Variants in PEX5 observed in about 807,000 individuals in gnomAD.
The protein encoded by PEX5 is PTS1 receptor.
PEX5 carries 52 observed loss-of-function variants against 82.9 expected under a neutral mutation model. That is an observed-to-expected ratio of 0.63 (90% CI 0.50 to 0.79). The LOEUF (loss-of-function observed/expected upper bound fraction) is 0.79, where lower values mean the gene tolerates loss of function less well. Ranked by LOEUF, PEX5 falls within the 30% of genes least tolerant of loss-of-function variation. The pLI is 0.00. For synonymous variants in PEX5, 300 were observed against 318.8 expected (o/e 0.94, Z 0.63); for missense variants, 719 against 815.2 (o/e 0.88, Z 1.44).
intron 5 of PEX5, among the ~76,000 whole-genome samples, chr12:7,194,487 TG>T (rs1309437291): frequency 1.3e-5 from 2 of 152,228 alleles, no homozygotes; most frequent in African/African-American, 4.8e-5. Context: ...TGTGTGTGTG[TG>T]TTTTTTGCAA....
intron 17 of PEX5, among the ~76,000 whole-genome samples, chr12:7,216,785 T>C (rs1265851158): frequency 6.6e-6 from 1 of 152,194 alleles, no homozygotes; most frequent in African/African-American, 2.4e-5. Context: ...TATTGCCCAT[T>C]TGTATTTCTT....
chr12:7,202,885 G>A (rs750501513), intron 9 of PEX5, among the ~76,000 whole-genome samples, 181 bp downstream of exon 9: 1 of 152,112 alleles, frequency 6.6e-6, no homozygotes, highest in Admixed American at 6.5e-5. Context: ...GGCCAGGCAT[G>A]GTGGCTCATG....
At chr12:7,201,654 C>T in intron 6 of PEX5, 97 bp from the exon 7 acceptor site, 1 of 887,022 alleles carries the variant, frequency 1.1e-6, no homozygotes, top group South Asian at 1.4e-5. Flanking sequence ...ATGGAGTTCC[C>T]TCACAGGAAC....
At chr12:7,204,599 A>T (rs952209550) in intron 10 of PEX5, among the ~76,000 whole-genome samples, 1 of 152,180 alleles carries the variant, frequency 6.6e-6, no homozygotes, top group African/African-American at 2.4e-5. Flanking sequence ...TATAATTTTG[A>T]TAAGGAAGAA....
intron 15 of PEX5, 39 bp from the exon 16 acceptor site, chr12:7,209,983 G>T: frequency 6.2e-7 from 1 of 1,610,242 alleles, no homozygotes; most frequent in East Asian, 2.2e-5. Flanking sequence ...TTCCATTGTT[G>T]TTCAGCTTAA....
chr12:7,203,591 C>T (rs2136177212), intron 10 of PEX5, 40 bp downstream of exon 10: 4 of 1,593,934 alleles, frequency 2.5e-6, no homozygotes, highest in East Asian at 2.2e-5. Flanking sequence ...TCCAGAACTT[C>T]CTTCTTTTTA....
chr12:7,191,842 C>G (rs1420552654), intron 5 of PEX5, 142 bp downstream of exon 5: 1 of 775,780 alleles, frequency 1.3e-6, no homozygotes, highest in Non-Finnish European at 2.3e-6. Context: ...AACTCAATTT[C>G]CCTTAGGTGA....
Position 7,210,094 on chromosome 12 carries a change from T to G in PEX5, c.1791T>G (p.Gly597=). Residue 597 remains glycine (G), a synonymous_variant, in exon 16 of 16, where the codon GGT becomes GGG. Transcript: ENST00000675855. ...RKSRGPRGEG[G]AMSENIWSTL... ...GCCGGGGCCCCCGGGGTGAAGGAGG[T>G]GCCATGTCGGAGAACATCTGGAGCA... The G allele has an allele frequency of 6.2e-7, 1 of 1,613,988 alleles. No homozygotes were observed. Among genetic ancestry groups the G allele is most frequent in the South Asian group, 1.1e-5 (1 of 91,076 alleles).
In PEX5 at chr12:7,210,293, C is replaced by T. The variant is rs900924164; in HGVS notation, c.*70C>T. ...CGCTTTGGATGTGATTCCCTCTCCC[C>T]AAATGGGCCTACCAAGGGGGCGGGC... is the stretch of plus-strand genomic sequence containing the variant. On this transcript the variant is annotated 3_prime_UTR_variant, in exon 16 of 16. Transcript: ENST00000675855. 1.1e-5 allele frequency: 16 copies of T among 1,471,538 alleles called. No homozygotes were observed. The highest frequency in any genetic ancestry group is 1.2e-5 in the Non-Finnish European group (13 of 1,055,426). The allele number at this position is 1,471,538 out of a possible 1,614,324, so 91.2% of individuals were successfully genotyped here.
chr12:7,202,130 C>T lies in PEX5; in HGVS notation c.643-111C>T, dbSNP rs760093240. The T allele has an allele frequency of 1.4e-4, 215 of 1,518,704 alleles. 4 individuals are homozygous for T. In the South Asian group the frequency reaches 1.8e-3, roughly 13 times the overall value. The allele number at this position is 1,518,704 out of a possible 1,614,324, so 94.1% of individuals were successfully genotyped here. A position where few individuals can be genotyped will look rare whatever the true frequency, so the allele number is the denominator to read the frequency against. ...TAGGGTCTTTAGCATATCTTGTCTG[C>T]AGCTAGAGATGGTCAGGGGAGGGGT... On this transcript the variant is annotated intron_variant, in intron 7 of 15. Coordinates refer to ENST00000675855, the MANE Select transcript of PEX5 (RefSeq NM_001351132.2).
intron 2 of PEX5, 164 bp from the exon 3 acceptor site, chr12:7,190,724 T>TA: frequency 7.5e-7 from 1 of 1,337,592 alleles, no homozygotes; most frequent in Non-Finnish European, 1.1e-6. Flanking sequence ...TCATAGTAGT[T>TA]ACCACTTACT....
chr12:7,197,168 G>GTAA lies in PEX5; in HGVS notation c.449-1841_449-1839dup, dbSNP rs535074188. ...AATAATTATATATGTCATATATAAT[G>GTAA]TAATTATATATGTCATATATAATGT... On this transcript the variant is annotated intron_variant, in intron 5 of 15. Transcript: ENST00000675855. Among the ~76,000 whole-genome samples the GTAA allele has an allele frequency of 5.2e-5, 3 of 57,866 alleles. 1 individual carries two copies. Among genetic ancestry groups the GTAA allele is most frequent in the East Asian group, 3.2e-4 (1 of 3,100 alleles). 38.0% of individuals were successfully genotyped at this position (57,866 alleles called of 152,430 possible).
chr12:7,197,780 G>C (rs2136052652), intron 5 of PEX5, among the ~76,000 whole-genome samples: 1 of 152,234 alleles, frequency 6.6e-6, no homozygotes, highest in African/African-American at 2.4e-5. Context: ...GACAAAGACT[G>C]CTAGTATCAG....
At position 7,203,429 on chromosome 12, in the gene PEX5, C is replaced by T; in HGVS notation, c.847-3C>T. 1.2e-6 allele frequency: 2 copies of T among 1,612,750 alleles called. No homozygotes were observed. The highest frequency in any genetic ancestry group is 1.7e-6 in the Non-Finnish European group (2 of 1,179,528). ...TTTTCTATCTGCTTTCCCTTCCTTACAGTCTGATGTCGATTTCTGGGACAA... is the reference window on the plus strand; with the variant it reads ...TTTTCTATCTGCTTTCCCTTCCTTATAGTCTGATGTCGATTTCTGGGACAA... On this transcript the variant is annotated splice_polypyrimidine_tract_variant and splice_region_variant and intron_variant, in intron 9 of 15. Coordinates refer to ENST00000675855, the MANE Select transcript of PEX5 (RefSeq NM_001351132.2).
chr12:7,193,786 T>C (rs1403284608), intron 5 of PEX5, among the ~76,000 whole-genome samples: 8 of 152,220 alleles, frequency 5.3e-5, no homozygotes, highest in Admixed American at 5.2e-4. Flanking sequence ...AAATCTTCCT[T>C]AACTTGAAAT....
chr12:7,210,954 C>A lies in PEX5; in HGVS notation c.*731C>A. ...GAGGCTGGGTGGGAGCGGGGAGGGA[C>A]TAGATCAGAAGAGATCAAGGGCTCT... On this transcript the variant is annotated 3_prime_UTR_variant, in exon 16 of 16. Transcript: ENST00000675855. 1 of 161,982 alleles carries A rather than the reference C, an allele frequency of 6.2e-6. No individual in the cohort carries two copies. The highest frequency in any genetic ancestry group is 1.4e-5 in the Non-Finnish European group (1 of 72,766). The allele number at this position is 161,982 out of a possible 1,614,324, so 10.0% of individuals were successfully genotyped here. A position where few individuals can be genotyped will look rare whatever the true frequency, so the allele number is the denominator to read the frequency against.
Position 7,202,689 on chromosome 12 carries a change from C to A in PEX5, c.831C>A (p.Ala277=), listed in dbSNP as rs747216258. ...TSALDMEFER[A]KSAIESDVDF... ...CCCTTGATATGGAGTTTGAACGAGC[C>A]AAGTCAGCTATAGAGGTGAGAGCAG... is the stretch of plus-strand genomic sequence containing the variant. Residue 277 remains alanine (A), a synonymous_variant, in exon 9 of 16, where the codon GCC becomes GCA. Transcript: ENST00000675855. The A allele has an allele frequency of 6.8e-6, 11 of 1,613,260 alleles. No individual in the cohort carries two copies. Among genetic ancestry groups the A allele is most frequent in the African/African-American group, 2.7e-5 (2 of 74,848 alleles).
downstream of PEX5, among the ~76,000 whole-genome samples, chr12:7,212,033 T>G (rs1029515188): frequency 3.3e-5 from 5 of 151,320 alleles, no homozygotes; most frequent in Non-Finnish European, 4.4e-5. Context: ...TGGCGTGATC[T>G]CAGCTCACTG....
intron 5 of PEX5, among the ~76,000 whole-genome samples, chr12:7,193,384 C>T (rs1941522158): frequency 2.0e-5 from 3 of 152,038 alleles, no homozygotes; most frequent in Admixed American, 2.0e-4. Flanking sequence ...CAGGCGTGTG[C>T]CACCATGCCC....
Sources: allele counts gnomAD v4.1 joint callset (sites outside exome capture counted in the v4.1 genomes callset), GRCh38; gene constraint gnomAD v4.1.1; transcripts MANE v1.5; gene names NCBI Gene and HGNC (gene_info 2026-07-23, HGNC 2026-07-21).